DPEP1: variants seen among roughly 807,000 people sequenced by gnomAD.
DPEP1 encodes the protein beta-lactamase.
DPEP1 carries 50 observed loss-of-function variants against 42.3 expected under a neutral mutation model. The observed-to-expected ratio is 1.18, with a 90% confidence interval of 0.94 to 1.50. The LOEUF (loss-of-function observed/expected upper bound fraction) is 1.50, where lower values mean the gene tolerates loss of function less well. Ranked by LOEUF, DPEP1 falls within the 40% of genes most tolerant of loss-of-function variation. The pLI, the probability that DPEP1 is intolerant of heterozygous loss-of-function variation, is 0.00. For synonymous variants in DPEP1, 297 were observed against 234.0 expected, an observed-to-expected ratio of 1.27 and a Z score of -2.46; for missense variants, 663 against 553.0, an observed-to-expected ratio of 1.20 and a Z score of -1.99.
rs182592284 is a variant in DPEP1 at position 89,638,034 on chromosome 16, G to A, written c.1066-18G>A. ...CACCAGCAGGCAGGCTGCCCCACCC[G>A]TGTCTGTCTGTCCCCAGGCCAGCAA... On this transcript the variant is annotated intron_variant, in intron 10 of 10. Transcript: ENST00000690203. 1.9e-5 allele frequency: 31 copies of A among 1,611,124 alleles called. 1 individual carries two copies. Among genetic ancestry groups the A allele is most frequent in the South Asian group, 3.3e-5 (3 of 90,902 alleles).
intron 1 of DPEP1, among the ~76,000 whole-genome samples, chr16:89,614,599 C>T (rs1293998009): frequency 6.6e-6 from 1 of 152,114 alleles, no homozygotes; most frequent in Non-Finnish European, 1.5e-5. Flanking sequence ...TCGAGACCAT[C>T]CTGGCTAACA....
intron 1 of DPEP1, among the ~76,000 whole-genome samples, chr16:89,622,825 C>T (rs944431386): frequency 4.6e-5 from 7 of 151,790 alleles, no homozygotes; most frequent in East Asian, 1.9e-4. Context: ...AGAAAGTCTC[C>T]GCTGCAGGCA....
intron 2 of DPEP1, 56 bp downstream of exon 2, chr16:89,630,570 G>A: frequency 3.8e-6 from 3 of 792,108 alleles, no homozygotes; most frequent in South Asian, 1.5e-5. Context: ...ACTGGGGCTG[G>A]GAGAGCGGGG....
Position 89,635,985 on chromosome 16 carries a change from T to C in DPEP1, c.182T>C (p.Leu61Ser). ...LQDERANLTT[L>S]AGTHTNIPKL... ...GACGAGAGGGCCAACCTGACCACCT[T>C]GGCCGGCACACACACCAACATCCCC... The change falls in exon 3 of 11, where the codon TTG becomes TCG. Residue 61 changes from leucine (L) to serine (S), a missense_variant. Leu to Ser is a moderately radical substitution (Grantham distance 145, BLOSUM62 -2). Transcript: ENST00000690203. The C allele has an allele frequency of 6.2e-7, 1 of 1,612,298 alleles. No individual in the cohort carries two copies. Among genetic ancestry groups the C allele is most frequent in the Non-Finnish European group, 8.5e-7 (1 of 1,179,750 alleles).
At chr16:89,618,939 T>TGCTCCCTCCCTGCA (rs2059410393) in intron 1 of DPEP1, among the ~76,000 whole-genome samples, 1 of 42,416 alleles carries the variant, frequency 2.4e-5, no homozygotes, top group Non-Finnish European at 5.1e-5. Flanking sequence ...TGCAGCTCCC[T>TGCTCCCTCCCTGCA]GCCCCCCTGC....
At chr16:89,614,772 G>A (rs2059366084) in intron 1 of DPEP1, among the ~76,000 whole-genome samples, 1 of 152,212 alleles carries the variant, frequency 6.6e-6, no homozygotes, top group Admixed American at 6.5e-5. Flanking sequence ...TCCAGCCTGA[G>A]TGACAGAGCG....
At chr16:89,615,080 T>C (rs1434994878) in intron 1 of DPEP1, among the ~76,000 whole-genome samples, 1 of 152,196 alleles carries the variant, frequency 6.6e-6, no homozygotes, top group Non-Finnish European at 1.5e-5. Context: ...AGGGGGCATC[T>C]AGGGCCTCCA....
intron 1 of DPEP1, among the ~76,000 whole-genome samples, chr16:89,625,107 C>T (rs943087950): frequency 3.3e-5 from 5 of 152,146 alleles, no homozygotes; most frequent in African/African-American, 9.7e-5. Flanking sequence ...TTCCCTGCCC[C>T]AGACCTTGAA....
intron 1 of DPEP1, among the ~76,000 whole-genome samples, chr16:89,625,658 C>G (rs1009253403): frequency 2.6e-5 from 4 of 152,042 alleles, no homozygotes; most frequent in African/African-American, 9.7e-5. Flanking sequence ...ATAAGGGCAC[C>G]CAGTGTAGGG....
chr16:89,629,793 C>T (rs1043423692), intron 1 of DPEP1, among the ~76,000 whole-genome samples: 1 of 152,170 alleles, frequency 6.6e-6, no homozygotes, highest in Non-Finnish European at 1.5e-5. Flanking sequence ...CGCTGGAGGG[C>T]TGCAGGCCGG....
At chr16:89,641,377 C>G (rs998359594), downstream of DPEP1, among the ~76,000 whole-genome samples, 1 of 152,204 alleles carries the variant, frequency 6.6e-6, no homozygotes, top group African/African-American at 2.4e-5. Flanking sequence ...AAGGAGCCCT[C>G]TAGTGGCCCT....
At chr16:89,618,385 T>C (rs944504199) in intron 1 of DPEP1, among the ~76,000 whole-genome samples, 35 of 152,048 alleles carry the variant, frequency 2.3e-4, no homozygotes, top group Admixed American at 2.3e-3. Flanking sequence ...CTTGGCTAAT[T>C]TTTATATTTT....
chr16:89,625,210 C>T (rs950623416), intron 1 of DPEP1, among the ~76,000 whole-genome samples: 1 of 152,110 alleles, frequency 6.6e-6, no homozygotes. Flanking sequence ...ATTAGCGTCC[C>T]ATTCCCTGCC....
chr16:89,615,433 C>G (rs2059371822), intron 1 of DPEP1, among the ~76,000 whole-genome samples: 1 of 152,234 alleles, frequency 6.6e-6, no homozygotes, highest in African/African-American at 2.4e-5. Flanking sequence ...CTGGCTCCAT[C>G]TCCCATGAGC....
Position 89,638,427 on chromosome 16 carries a change from C to G in DPEP1, c.*205C>G. ...TAGGCCCGCAATAAAAGCAACACCC[C>G]TTCACATCCTGGGGTACGTGTCATC... is the stretch of plus-strand genomic sequence containing the variant. On this transcript the variant is annotated 3_prime_UTR_variant, in exon 11 of 11. Coordinates refer to ENST00000690203, the MANE Select transcript of DPEP1 (RefSeq NM_001389466.1). 2 of 1,337,926 alleles carry G rather than the reference C, an allele frequency of 1.5e-6. No individual in the cohort carries two copies. Among genetic ancestry groups the G allele is most frequent in the Non-Finnish European group, 1.9e-6 (2 of 1,049,788 alleles). The allele number at this position is 1,337,926 out of a possible 1,614,324, so 82.9% of individuals were successfully genotyped here.
intron 1 of DPEP1, among the ~76,000 whole-genome samples, chr16:89,617,570 G>C (rs1240429185): frequency 6.8e-6 from 1 of 146,752 alleles, no homozygotes; most frequent in East Asian, 2.0e-4. Context: ...GAAGGCGGCC[G>C]GGCGCGGCGG....
Position 89,637,895 on chromosome 16 carries a change from G to C in DPEP1, c.989G>C (p.Arg330Thr). Residue 330 changes from arginine (R) to threonine (T), a missense_variant, in exon 10 of 11, where the codon AGG (arginine) becomes ACG (threonine). Coordinates refer to ENST00000690203, the MANE Select transcript of DPEP1 (RefSeq NM_001389466.1). ...CCAGACCTGATCGCTGAGCTGCTCA[G>C]GAGGAACTGGACGGAGGCGGAGGTC... Reference protein sequence around the residue: ...KYPDLIAELLRRNWTEAEVKG... With the variant: ...KYPDLIAELLTRNWTEAEVKG... 1 of 1,612,648 alleles carries C rather than the reference G, an allele frequency of 6.2e-7. No homozygotes were observed. Among genetic ancestry groups the C allele is most frequent in the Non-Finnish European group, 8.5e-7 (1 of 1,179,846 alleles).
intron 1 of DPEP1, among the ~76,000 whole-genome samples, chr16:89,618,435 C>G (rs949409454): frequency 6.6e-6 from 1 of 152,170 alleles, no homozygotes; most frequent in East Asian, 1.9e-4. Context: ...CCAGGCTGGT[C>G]TCAAACTCCT....
At chr16:89,617,623 G>A (rs369278917) in intron 1 of DPEP1, among the ~76,000 whole-genome samples, 147 of 138,900 alleles carry the variant, frequency 1.1e-3, no homozygotes, top group African/African-American at 2.8e-3. Flanking sequence ...CGGGCGCGGC[G>A]GCTCACACCT....
Sources: allele counts gnomAD v4.1 joint callset (sites outside exome capture counted in the v4.1 genomes callset), GRCh38; gene constraint gnomAD v4.1.1; transcripts MANE v1.5; gene names NCBI Gene and HGNC (gene_info 2026-07-23, HGNC 2026-07-21).